The following SLC4A1 variants were observed in gnomAD, a reference collection of about 807,000 sequenced individuals.
SLC4A1 encodes the protein solute carrier family 4 member 1 (Diego blood group), also known as band 3 anion transport protein.
In SLC4A1, 29 loss-of-function variants were observed where a neutral mutation model predicts 93.1. The observed-to-expected ratio is 0.31, with a 90% confidence interval of 0.23 to 0.42. The LOEUF is 0.42. Among genes scored for constraint, SLC4A1 ranks in the 20% least tolerant of loss-of-function variants. The probability of loss-of-function intolerance (pLI) is 1.00; values close to 1 mark genes in which losing one functional copy is unlikely to be tolerated. For synonymous variants in SLC4A1, 469 were observed against 497.2 expected (o/e 0.94, Z 0.76); for missense variants, 965 against 1,190.1 (o/e 0.81, Z 2.78).
In SLC4A1 at chr17:44,255,260, A is replaced by C. The variant is rs765965557; in HGVS notation, c.1837T>G (p.Ser613Ala). Residue 613 changes from serine to alanine, a missense_variant, in exon 15 of 20, where the codon TCC becomes GCC. By Grantham distance (99) the Ser-to-Ala change is moderately conservative. Around this residue, in one of 2 missense-constraint regions of SLC4A1, gnomAD observed 770 missense variants for 1,006.6 expected, o/e 0.76. Coordinates refer to ENST00000262418, the MANE Select transcript of SLC4A1 (RefSeq NM_000342.4). Reference sequence around the variant, plus strand: ...TCCACCAGGACCATGATCAGGATGGAGATGGGGACCCCGAAGTCCCCGATG... The same window carrying C: ...TCCACCAGGACCATGATCAGGATGGCGATGGGGACCCCGAAGTCCCCGATG... ...RVIGDFGVPI[S>A]ILIMVLVDFF... 4 of 1,558,018 alleles carry C rather than the reference A, an allele frequency of 2.6e-6. No individual in the cohort carries two copies. In the South Asian group the frequency reaches 4.7e-5, roughly 18 times the overall value.
At position 44,249,561 on chromosome 17, in the gene SLC4A1, C is replaced by T. The variant is rs5030; in HGVS notation, c.*897G>A. On this transcript the variant is annotated 3_prime_UTR_variant, in exon 20 of 20. Coordinates refer to ENST00000262418, the MANE Select transcript of SLC4A1 (RefSeq NM_000342.4). ...AGGGCAGGGCTTGTCTCAGTCCCCT[C>T]GGAGTCCACTGATTCCGGGGCCCTC... 0.022 allele frequency: 4,093 copies of T among 185,514 alleles called. 84 individuals are homozygous for T. Among genetic ancestry groups the T allele is most frequent in the East Asian group, 0.057 (309 of 5,406 alleles). 11.5% of individuals were successfully genotyped at this position (185,514 alleles called of 1,614,324 possible). A position where few individuals can be genotyped will look rare whatever the true frequency, so the allele number is the denominator to read the frequency against.
intron 1 of SLC4A1, among the ~76,000 whole-genome samples, chr17:44,263,722 CTT>C: frequency 1.3e-5 from 2 of 149,456 alleles, no homozygotes; most frequent in Non-Finnish European, 3.0e-5. Flanking sequence ...TCCTTCCTTC[CTT>C]CCTTCCTTCC....
chr17:44,263,273 AGC>A (rs1386874604), intron 1 of SLC4A1, among the ~76,000 whole-genome samples: 1 of 152,050 alleles, frequency 6.6e-6, no homozygotes, highest in Non-Finnish European at 1.5e-5. Context: ...CCTGGGACTC[AGC>A]TAATACCAGG....
At position 44,249,337 on chromosome 17, in the gene SLC4A1, T is replaced by A. The variant is rs1598294189; in HGVS notation, c.*1121A>T. The A allele has an allele frequency of 2.9e-6, 1 of 340,420 alleles. No individual in the cohort carries two copies. The highest frequency in any genetic ancestry group is 1.0e-4 in the East Asian group (1 of 9,794). The allele number at this position is 340,420 out of a possible 1,614,324, so 21.1% of individuals were successfully genotyped here. ...GATCTGGGTTCTCCCCAAGATTCAGTTTAGATGGAGTTGAGGATAATGGCT... is the reference window on the plus strand; with the variant it reads ...GATCTGGGTTCTCCCCAAGATTCAGATTAGATGGAGTTGAGGATAATGGCT... On this transcript the variant is annotated 3_prime_UTR_variant, in exon 20 of 20. Coordinates refer to ENST00000262418, the MANE Select transcript of SLC4A1 (RefSeq NM_000342.4).
At position 44,262,394 on chromosome 17, in the gene SLC4A1, G is replaced by A. The variant is rs16940585; in HGVS notation, c.106+242C>T. Among the ~76,000 whole-genome samples the A allele has an allele frequency of 0.022, 3,395 of 152,314 alleles. 91 individuals are homozygous for A. Among genetic ancestry groups the A allele is most frequent in the East Asian group, 0.093 (483 of 5,178 alleles). On this transcript the variant is annotated intron_variant, in intron 3 of 19. Transcript: ENST00000262418. ...TGGGCTCACGCCCTTGTCCCAAACT[G>A]GCTGCCCGCCCTTCTCACATTGCAG...
At position 44,250,194 on chromosome 17, in the gene SLC4A1, C is replaced by A; in HGVS notation, c.*264G>T. On this transcript the variant is annotated 3_prime_UTR_variant, in exon 20 of 20. Coordinates refer to ENST00000262418, the MANE Select transcript of SLC4A1 (RefSeq NM_000342.4). ...AGATCTAAGTCTTCCAGCACGGGAT[C>A]CCCAGTGAAAGTGTGGCAACAGGAG... 2.1e-6 allele frequency: 1 copy of A among 475,366 alleles called. No individual in the cohort carries two copies. The highest frequency in any genetic ancestry group is 2.1e-5 in the South Asian group (1 of 46,800). The allele number at this position is 475,366 out of a possible 1,614,324, so 29.4% of individuals were successfully genotyped here.
At position 44,262,735 on chromosome 17, in the gene SLC4A1, A is replaced by G. The variant is rs1373922674; in HGVS notation, c.16-9T>C. The G allele has an allele frequency of 6.2e-7, 1 of 1,613,564 alleles. No individual in the cohort carries two copies. The highest frequency in any genetic ancestry group is 8.5e-7 in the Non-Finnish European group (1 of 1,179,590). ...ATGTCTTCATAATCATCCTGTGGGAAGTGGCCGCTGAGGCTGGGCTGTGAG... is the reference window on the plus strand; with the variant it reads ...ATGTCTTCATAATCATCCTGTGGGAGGTGGCCGCTGAGGCTGGGCTGTGAG... On this transcript the variant is annotated splice_polypyrimidine_tract_variant and intron_variant, in intron 2 of 19. Transcript: ENST00000262418.
chr17:44,260,783 G>T lies in SLC4A1; in HGVS notation c.201C>A (p.Asp67Glu), dbSNP rs768773486. 1.9e-6 allele frequency: 3 copies of T among 1,613,404 alleles called. No homozygotes were observed. In the South Asian group the frequency reaches 3.3e-5, roughly 18 times the overall value. Residue 67 changes from aspartate (D) to glutamate (E), a missense_variant, in exon 5 of 20, where the codon GAC becomes GAA. By Grantham distance (45) the Asp-to-Glu change is conservative. Around this residue, in one of 2 missense-constraint regions of SLC4A1, gnomAD observed 195 missense variants for 183.5 expected, o/e 1.06. Transcript: ENST00000262418. ...VYVELQELVM[D>E]EKNQELRWME... Reference sequence around the variant, plus strand: ...TCCATCTCAGCTCCTGGTTCTTTTCGTCCATCACCAGCTCCTGCAGCTCCA... The same window carrying T: ...TCCATCTCAGCTCCTGGTTCTTTTCTTCCATCACCAGCTCCTGCAGCTCCA...
rs757965301 is a variant in SLC4A1, at chr17:44,251,279, T to A, written c.2535A>T (p.Ala845=). The change falls in exon 19 of 20, where the codon GCA becomes GCT. Residue 845 remains alanine (A), a synonymous_variant. Transcript: ENST00000262418. ...LFTGIQIICL[A]VLWVVKSTPA... ...GCGTGGACTTCACCACCCACAGCAC[T>A]GCCAGGCAGATGATCTGGATGCCCG... 1 of 1,614,200 alleles carries A rather than the reference T, an allele frequency of 6.2e-7. No individual in the cohort carries two copies. Among genetic ancestry groups the A allele is most frequent in the Non-Finnish European group, 8.5e-7 (1 of 1,180,032 alleles).
chr17:44,253,832 C>T (rs570728657), intron 16 of SLC4A1, among the ~76,000 whole-genome samples: 7 of 151,598 alleles, frequency 4.6e-5, no homozygotes, highest in South Asian at 2.1e-4. Context: ...CCACCACACT[C>T]GGTTAATTTT....
At chr17:44,261,034 G>A (rs1170964786) in intron 4 of SLC4A1, among the ~76,000 whole-genome samples, 1 of 152,216 alleles carries the variant, frequency 6.6e-6, no homozygotes, top group Non-Finnish European at 1.5e-5. Context: ...AAGGGATGCT[G>A]GAGAGGCCAC....
At chr17:44,253,440 C>T in intron 16 of SLC4A1, 69 bp from the exon 17 acceptor site, 2 of 1,557,966 alleles carry the variant, frequency 1.3e-6, no homozygotes, top group Non-Finnish European at 8.7e-7. Flanking sequence ...CTTCCTTCTC[C>T]ATACTTGGTG....
chr17:44,252,577 A>G (rs1167409605), intron 17 of SLC4A1, among the ~76,000 whole-genome samples: 1 of 152,094 alleles, frequency 6.6e-6, no homozygotes, highest in African/African-American at 2.4e-5. Context: ...TCCATCTGCA[A>G]CCATGGCACT....
At position 44,251,132 on chromosome 17, in the gene SLC4A1, GTGCCCCAGGCCCA is replaced by G; in HGVS notation, c.2655+14_2655+26del. On this transcript the variant is annotated intron_variant, in intron 19 of 19. Transcript: ENST00000262418. ...CGCCCCTCGCATGCTCCCAGCTCTT[GTGCCCCAGGCCCA>G]GGCAGCCACTCACACACTGAAGCTC... is the stretch of plus-strand genomic sequence containing the variant. The G allele has an allele frequency of 1.4e-5, 22 of 1,573,356 alleles. No homozygotes were observed. The highest frequency in any genetic ancestry group is 1.9e-5 in the Non-Finnish European group (22 of 1,159,490).
chr17:44,260,632 C>G lies in SLC4A1; in HGVS notation c.349+3G>C, dbSNP rs972297636. 1 of 1,614,158 alleles carries G rather than the reference C, an allele frequency of 6.2e-7. No individual in the cohort carries two copies. Among genetic ancestry groups the G allele is most frequent in the African/African-American group, 1.3e-5 (1 of 75,040 alleles). On this transcript the variant is annotated splice_donor_region_variant and intron_variant, in intron 5 of 19. Coordinates refer to ENST00000262418, the MANE Select transcript of SLC4A1 (RefSeq NM_000342.4). ...GGGGTCCAGAAGGGCCCAGGAGGCTCACCCTTGGTGAAGACTCTACGCAGC... is the reference window on the plus strand; with the variant it reads ...GGGGTCCAGAAGGGCCCAGGAGGCTGACCCTTGGTGAAGACTCTACGCAGC...
At position 44,257,507 on chromosome 17, in the gene SLC4A1, C is replaced by T. The variant is rs1598299485; in HGVS notation, c.1469G>A (p.Arg490His). The change falls in exon 13 of 20, where the codon CGC (arginine) becomes CAC (histidine). Residue 490 changes from arginine (R) to histidine (H), a missense_variant. Transcript: ENST00000262418. ...GATGAGCCAGAAGCCGATCCACACG[C>T]GGCCCACGATGTACTCTAGACCGTT... ...ETNGLEYIVGRVWIGFWLILL... is the reference protein window; with the variant it reads ...ETNGLEYIVGHVWIGFWLILL... 2 of 1,614,082 alleles carry T rather than the reference C, an allele frequency of 1.2e-6. No homozygotes were observed. The highest frequency in any genetic ancestry group is 1.7e-6 in the Non-Finnish European group (2 of 1,180,020).
At chr17:44,262,039 G>A in intron 3 of SLC4A1, 1 of 1,179,060 alleles carries the variant, frequency 8.5e-7, no homozygotes, top group Non-Finnish European at 1.1e-6. Flanking sequence ...GCCTCAATGA[G>A]CCCGTCAGCA....
At position 44,258,682 on chromosome 17, in the gene SLC4A1, G is replaced by T; in HGVS notation, c.877-59C>A. On this transcript the variant is annotated intron_variant, in intron 9 of 19. Coordinates refer to ENST00000262418, the MANE Select transcript of SLC4A1 (RefSeq NM_000342.4). This position sits in a 1 kb window ranked among gnomAD's most constrained non-coding sequence, Gnocchi z 6.1. ...ACCTGCGGAGGGAAAGGACCCAGGA[G>T]TCCACAGCCAGGGCCTCCAGGAACC... The T allele has an allele frequency of 6.6e-7, 1 of 1,517,576 alleles. No individual in the cohort carries two copies. The highest frequency in any genetic ancestry group is 1.4e-5 in the African/African-American group (1 of 72,468). 94.0% of individuals were successfully genotyped at this position (1,517,576 alleles called of 1,614,324 possible). A position where few individuals can be genotyped will look rare whatever the true frequency, so the allele number is the denominator to read the frequency against.
At chr17:44,264,006 CT>C (rs760538148) in intron 1 of SLC4A1, among the ~76,000 whole-genome samples, 1 of 152,114 alleles carries the variant, frequency 6.6e-6, no homozygotes, top group Middle Eastern at 3.4e-3. Context: ...TTTCTTTCTT[CT>C]TTTTTATTTT....
Sources: gnomAD v4.1 joint callset for allele counts (sites outside exome capture counted in the v4.1 genomes callset) on GRCh38, gnomAD v4.1.1 for gene constraint, gnomAD v4.1.1 regional missense constraint, Gnocchi (gnomAD v3.1) non-coding constraint, MANE v1.5 for transcripts, NCBI Gene and HGNC (gene_info 2026-07-23, HGNC 2026-07-21) for gene names.